ZNF599: variants seen among roughly 807,000 people sequenced by gnomAD.
ZNF599 encodes the protein zinc finger protein 599.
In ZNF599, 10 loss-of-function variants were observed where a neutral mutation model predicts 11.7. The ratio of observed to expected loss-of-function variants is 0.86; its 90% CI spans 0.53 to 1.45. The LOEUF (loss-of-function observed/expected upper bound fraction) is 1.45, where lower values mean the gene tolerates loss of function less well. Ranked by LOEUF, ZNF599 falls within the 40% of genes most tolerant of loss-of-function variation. ZNF599 has a pLI of 0.00. For missense variants in ZNF599, 688 were observed against 713.6 expected (o/e 0.96, Z 0.41); for synonymous variants, 232 against 253.2 (o/e 0.92, Z 0.79).
the ZNF599 span, among the ~76,000 whole-genome samples, chr19:34,796,931 G>A: frequency 6.6e-6 from 1 of 152,026 alleles, no homozygotes; most frequent in Non-Finnish European, 1.5e-5. Context: ...TAAAAACATG[G>A]TTGGCATATC....
chr19:34,760,075 G>C lies in ZNF599; in HGVS notation c.726C>G (p.Val242=), dbSNP rs945011827. 5.0e-6 allele frequency: 8 copies of C among 1,613,840 alleles called. No individual in the cohort carries two copies. In the African/African-American group the frequency reaches 8.0e-5, roughly 16 times the overall value. Residue 242 remains valine, a synonymous_variant, in exon 4 of 4, where the codon GTC becomes GTG. Coordinates refer to ENST00000329285, the MANE Select transcript of ZNF599 (RefSeq NM_001007248.3). ...CAGTATGAAGCCTCATATGTCGAAT[G>C]ACATCAGCCATATAACGACAGGCTT... ...CGKACRYMAD[V]IRHMRLHTGE...
chr19:34,779,213 G>A, the ZNF599 span, among the ~76,000 whole-genome samples: 1 of 148,714 alleles, frequency 6.7e-6, no homozygotes, highest in Non-Finnish European at 1.5e-5. Context: ...GTAGCTAGCT[G>A]GGACTACAGG....
chr19:34,771,222 G>A (rs924724678), intron 1 of ZNF599, among the ~76,000 whole-genome samples: 1 of 152,196 alleles, frequency 6.6e-6, no homozygotes, highest in Admixed American at 6.5e-5. Flanking sequence ...CTGCACTCCA[G>A]TGTGAGCAAC....
the ZNF599 span, among the ~76,000 whole-genome samples, chr19:34,804,078 C>G: frequency 6.6e-6 from 1 of 152,152 alleles, no homozygotes; most frequent in South Asian, 2.1e-4. Flanking sequence ...CTAAGAAAGC[C>G]TCACCTTCTG....
At chr19:34,775,695 G>A (rs978223620), upstream of ZNF599, among the ~76,000 whole-genome samples, 1 of 152,204 alleles carries the variant, frequency 6.6e-6, no homozygotes, top group African/African-American at 2.4e-5. Flanking sequence ...CAACACTGCT[G>A]TAACTTAGAC....
At chr19:34,760,676 T>C in intron 3 of ZNF599, 117 bp from the exon 4 acceptor site, 1 of 916,218 alleles carries the variant, frequency 1.1e-6, no homozygotes, top group South Asian at 1.8e-5. Flanking sequence ...CCTACTGCAT[T>C]TTTACATCTC....
chr19:34,802,705 G>T, the ZNF599 span, among the ~76,000 whole-genome samples: 13 of 152,248 alleles, frequency 8.5e-5, no homozygotes, highest in East Asian at 2.5e-3. Context: ...AAATAGTAGT[G>T]GGAACAGGAC....
the ZNF599 span, among the ~76,000 whole-genome samples, chr19:34,789,209 C>T: frequency 4.4e-4 from 67 of 152,222 alleles, no homozygotes; most frequent in Non-Finnish European, 8.5e-4. Flanking sequence ...ACACAGTGTC[C>T]TCTAGGCTCA....
At position 34,759,183 on chromosome 19, in the gene ZNF599, A is replaced by G; in HGVS notation, c.1618T>C (p.Cys540Arg). The change falls in exon 4 of 4, where the codon TGT (cysteine) becomes CGT (arginine). Residue 540 changes from cysteine to arginine, a missense_variant. Transcript: ENST00000329285. ...AAGTTGTCACAGAAGGCTTTCTCAC[A>G]TTCTTTGCATTCAAAAGGTTTTTCT... ...TGEKPFECKE[C>R]EKAFCDNFAL... The G allele has an allele frequency of 6.2e-7, 1 of 1,614,200 alleles. No homozygotes were observed.
chr19:34,760,342 T>C lies in ZNF599; in HGVS notation c.459A>G (p.Lys153=). The part of the protein sequence containing the change: ...KEICPEKLSY[K]HDDLEPDDSL... ...TATCATCTGGCTCCAAATCATCATG[T>C]TTATAACTCAACTTCTCAGGGCATA... The change falls in exon 4 of 4, where the codon AAA becomes AAG. Residue 153 remains lysine (K), a synonymous_variant. Transcript: ENST00000329285. 1 of 1,614,176 alleles carries C rather than the reference T, an allele frequency of 6.2e-7. No homozygotes were observed. Among genetic ancestry groups the C allele is most frequent in the Middle Eastern group, 1.6e-4 (1 of 6,062 alleles).
At chr19:34,799,494 A>C in the ZNF599 span, among the ~76,000 whole-genome samples, 6 of 152,128 alleles carry the variant, frequency 3.9e-5, no homozygotes, top group Non-Finnish European at 5.9e-5. Flanking sequence ...GGTTGCTTTC[A>C]GTTTGGGGAA....
chr19:34,804,210 C>A, the ZNF599 span, among the ~76,000 whole-genome samples: 1 of 152,260 alleles, frequency 6.6e-6, no homozygotes, highest in Non-Finnish European at 1.5e-5. Flanking sequence ...TGCTAATCCA[C>A]TATCCTGGCG....
At chr19:34,766,639 A>C (rs2069145630) in intron 3 of ZNF599, among the ~76,000 whole-genome samples, 1 of 152,210 alleles carries the variant, frequency 6.6e-6, no homozygotes, top group Non-Finnish European at 1.5e-5. Context: ...TCATGCAGAA[A>C]CTATCATCAC....
chr19:34,787,802 G>A, the ZNF599 span, among the ~76,000 whole-genome samples: 1 of 152,084 alleles, frequency 6.6e-6, no homozygotes, highest in Admixed American at 6.6e-5. Context: ...TTAAGTCTTA[G>A]GAAAGCCACA....
At chr19:34,798,910 A>G in the ZNF599 span, among the ~76,000 whole-genome samples, 109 of 151,510 alleles carry the variant, frequency 7.2e-4, no homozygotes, top group African/African-American at 2.6e-3. Context: ...CACCCATTCA[A>G]CCCTCCCCCA....
chr19:34,761,792 G>A (rs1320402870), intron 3 of ZNF599, among the ~76,000 whole-genome samples: 3 of 152,082 alleles, frequency 2.0e-5, no homozygotes, highest in African/African-American at 7.2e-5. Flanking sequence ...GAGTGATTAA[G>A]ACTCAACTGT....
At chr19:34,768,267 C>T (rs559667930) in intron 2 of ZNF599, among the ~76,000 whole-genome samples, 1 of 152,326 alleles carries the variant, frequency 6.6e-6, no homozygotes, top group South Asian at 2.1e-4. Flanking sequence ...GAATCAAGCA[C>T]CCTGCTCCCA....
chr19:34,760,027 A>G lies in ZNF599; in HGVS notation c.774T>C (p.Ile258=). 6.2e-7 allele frequency: 1 copy of G among 1,614,112 alleles called. No individual in the cohort carries two copies. ...TGCGTTTGAAGGCTTTCCCACACTC[A>G]ATACACTTGTATGGTTTTTCCCCAG... ...LHTGEKPYKC[I]ECGKAFKRRF... is the part of the protein sequence containing the mutation. The change falls in exon 4 of 4, where the codon ATT becomes ATC. Residue 258 remains isoleucine (I), a synonymous_variant. Coordinates refer to ENST00000329285, the MANE Select transcript of ZNF599 (RefSeq NM_001007248.3).
Position 34,773,089 on chromosome 19 carries a change from G to A in ZNF599, c.-248C>T. On this transcript the variant is annotated 5_prime_UTR_variant, in exon 1 of 4. Coordinates refer to ENST00000329285, the MANE Select transcript of ZNF599 (RefSeq NM_001007248.3). ...CGGCTGACATAAAAGCGTGTAAGTG[G>A]GTCCTATCCTCCTCACTGTCCGTCT... 1 of 494,076 alleles carries A rather than the reference G, an allele frequency of 2.0e-6. No homozygotes were observed. The highest frequency in any genetic ancestry group is 3.5e-6 in the Non-Finnish European group (1 of 283,186). The allele number at this position is 494,076 out of a possible 1,614,324, so 30.6% of individuals were successfully genotyped here.
Sources: allele counts gnomAD v4.1 joint callset (sites outside exome capture counted in the v4.1 genomes callset), GRCh38; gene constraint gnomAD v4.1.1; transcripts MANE v1.5; gene names NCBI Gene and HGNC (gene_info 2026-07-23, HGNC 2026-07-21).